The following SIPA1L3 variants were observed in gnomAD, a reference collection of about 807,000 sequenced individuals.
The protein encoded by SIPA1L3 is signal-induced proliferation-associated 1-like protein 3.
In SIPA1L3, 59 loss-of-function variants were observed where a neutral mutation model predicts 150.1. The ratio of observed to expected loss-of-function variants is 0.39; its 90% confidence interval spans 0.32 to 0.49. The LOEUF is 0.49. SIPA1L3 is among the 20% of genes least tolerant of loss of function. SIPA1L3 has a pLI of 0.86. For synonymous variants in SIPA1L3, 1,070 were observed against 1,077.6 expected (o/e 0.99, Z 0.14); for missense variants, 2,211 against 2,489.5 (o/e 0.89, Z 2.38).
At chr19:38,109,320 A>G (rs905916344) in intron 7 of SIPA1L3, 1 of 152,196 alleles carries the variant, frequency 6.6e-6, no homozygotes, top group Non-Finnish European at 1.5e-5. Flanking sequence ...TAAAACCATC[A>G]GATCTCGTGA....
intron 1 of SIPA1L3, among the ~76,000 whole-genome samples, chr19:37,938,283 T>A (rs2145516256): frequency 6.6e-6 from 1 of 152,332 alleles, no homozygotes; most frequent in East Asian, 1.9e-4. Context: ...CTGTGAATAT[T>A]GTTACACTTC....
At chr19:38,115,127 C>G (rs1461527322) in intron 8 of SIPA1L3, among the ~76,000 whole-genome samples, 1 of 152,184 alleles carries the variant, frequency 6.6e-6, no homozygotes, top group Non-Finnish European at 1.5e-5. Flanking sequence ...TTTATCCACC[C>G]CCAAGCCTTG....
chr19:38,208,187 T>G lies in SIPA1L3; in HGVS notation c.*1947T>G, dbSNP rs1388296319. 2.0e-5 allele frequency: 3 copies of G among 152,478 alleles called. No individual in the cohort carries two copies. Among genetic ancestry groups the G allele is most frequent in the Non-Finnish European group, 1.5e-5 (1 of 68,014 alleles). The allele number at this position is 152,478 out of a possible 1,614,324, so 9.4% of individuals were successfully genotyped here. On this transcript the variant is annotated 3_prime_UTR_variant, in exon 22 of 22. Transcript: ENST00000222345. ...TTCTGCAAAAACAGATCTATTTAAT[T>G]TGAGGTTGATGTTCTATCCAATGGC... is the stretch of plus-strand genomic sequence containing the variant.
intron 1 of SIPA1L3, among the ~76,000 whole-genome samples, chr19:37,933,059 G>A (rs540931374): frequency 6.6e-6 from 1 of 152,200 alleles, no homozygotes; most frequent in African/African-American, 2.4e-5. Context: ...TTGTGAAATG[G>A]GAACTAGCAG....
intron 4 of SIPA1L3, among the ~76,000 whole-genome samples, chr19:38,089,087 T>C (rs1970204646): frequency 6.6e-6 from 1 of 151,792 alleles, no homozygotes; most frequent in African/African-American, 2.4e-5. Context: ...TTGGGAAGCT[T>C]GGCGGGTGGC....
chr19:38,134,239 C>G (rs1318306064), intron 10 of SIPA1L3, among the ~76,000 whole-genome samples: 1 of 151,078 alleles, frequency 6.6e-6, no homozygotes, highest in African/African-American at 2.4e-5. Flanking sequence ...CCGCCTCGAC[C>G]TCCCAGAGTG....
intron 1 of SIPA1L3, among the ~76,000 whole-genome samples, chr19:37,910,689 C>T (rs944611926): frequency 2.6e-5 from 4 of 152,190 alleles, no homozygotes; most frequent in Non-Finnish European, 4.4e-5. Flanking sequence ...ACTGCAACTT[C>T]CACCTCCTAG....
intron 8 of SIPA1L3, among the ~76,000 whole-genome samples, chr19:38,111,918 C>T (rs558565707): frequency 2.6e-5 from 4 of 151,954 alleles, no homozygotes; most frequent in Non-Finnish European, 2.9e-5. Flanking sequence ...CATGCATGCA[C>T]GCATCCGTGC....
chr19:38,129,624 C>CAA (rs35422625), intron 9 of SIPA1L3, among the ~76,000 whole-genome samples: 21 of 96,330 alleles, frequency 2.2e-4, no homozygotes, highest in African/African-American at 6.2e-4. Context: ...GACTCTGTCT[C>CAA]AAAAAAAAAA....
chr19:37,908,007 C>T (rs757324020), intron 1 of SIPA1L3: 1 of 152,186 alleles, frequency 6.6e-6, no homozygotes, highest in Admixed American at 6.5e-5. Flanking sequence ...CTTGGTTTCC[C>T]TATCTATAAA....
At chr19:38,087,382 G>A (rs766285416) in intron 3 of SIPA1L3, among the ~76,000 whole-genome samples, 4 of 152,122 alleles carry the variant, frequency 2.6e-5, no homozygotes, top group Admixed American at 1.3e-4. Context: ...TGTTCTGATC[G>A]GGGTCATTAA....
rs201468978 is a variant in SIPA1L3 at position 38,119,350 on chromosome 19, C to T, written c.2336C>T (p.Pro779Leu). ...RSKDAPPFGP[P>L]IPSGTTFRKS... The stretch of plus-strand genomic sequence containing the variant: ...AAAGACGCTCCTCCTTTCGGCCCCC[C>T]CATCCCCAGTGGAACCACATTCCGC... The change falls in exon 9 of 22, where the codon CCC becomes CTC. Residue 779 changes from proline to leucine, a missense_variant. Pro to Leu is a moderately conservative substitution (Grantham distance 98, BLOSUM62 -3). Around this residue, in one of 5 missense-constraint regions of SIPA1L3, gnomAD observed 625 missense variants for 804.2 expected, o/e 0.78. Transcript: ENST00000222345. 3.6e-5 allele frequency: 58 copies of T among 1,614,096 alleles called. No individual in the cohort carries two copies. Among genetic ancestry groups the T allele is most frequent in the Admixed American group, 1.2e-4 (7 of 59,998 alleles).
At chr19:38,163,696 C>T (rs1972143974) in intron 14 of SIPA1L3, among the ~76,000 whole-genome samples, 1 of 151,880 alleles carries the variant, frequency 6.6e-6, no homozygotes, top group Non-Finnish European at 1.5e-5. Flanking sequence ...CGGGGAGTGC[C>T]CAGTATGTTC....
At chr19:38,097,314 A>G (rs1970402406) in intron 4 of SIPA1L3, among the ~76,000 whole-genome samples, 1 of 152,202 alleles carries the variant, frequency 6.6e-6, no homozygotes, top group Admixed American at 6.5e-5. Context: ...GTGCCACTCC[A>G]TTCCAGCCTG....
intron 16 of SIPA1L3, chr19:38,185,623 G>A (rs1972660536): frequency 6.6e-6 from 1 of 152,158 alleles, no homozygotes; most frequent in South Asian, 2.1e-4. Context: ...CTCCAAGGGC[G>A]GTGAGGGAGA....
chr19:38,001,246 G>A, intron 1 of SIPA1L3, among the ~76,000 whole-genome samples: 1 of 151,744 alleles, frequency 6.6e-6, no homozygotes, highest in East Asian at 1.9e-4. Context: ...TGTACTTGAG[G>A]CCTATTAAAT....
intron 1 of SIPA1L3, among the ~76,000 whole-genome samples, chr19:37,927,916 A>T (rs2046520967): frequency 6.6e-6 from 1 of 152,084 alleles, no homozygotes; most frequent in Admixed American, 6.6e-5. Flanking sequence ...CATGGTATAT[A>T]TGTACCACAT....
At chr19:38,002,690 G>T (rs189289652) in intron 1 of SIPA1L3, among the ~76,000 whole-genome samples, 21 of 123,140 alleles carry the variant, frequency 1.7e-4, no homozygotes, top group African/African-American at 5.9e-4. Context: ...CTGCACTCCA[G>T]CCTGGTGACA....
chr19:37,965,068 C>G (rs1405261445), intron 1 of SIPA1L3, among the ~76,000 whole-genome samples: 1 of 152,170 alleles, frequency 6.6e-6, no homozygotes, highest in Non-Finnish European at 1.5e-5. Flanking sequence ...TTGGGGAATT[C>G]AAGAAAATTT....
Sources: allele counts gnomAD v4.1 joint callset (sites outside exome capture counted in the v4.1 genomes callset), GRCh38; gene constraint gnomAD v4.1.1; regional missense constraint gnomAD v4.1.1; transcripts MANE v1.5; gene names NCBI Gene and HGNC (gene_info 2026-07-23, HGNC 2026-07-21).